The following SLC4A10 variants were observed in gnomAD, a reference collection of about 807,000 sequenced individuals.
SLC4A10 encodes solute carrier family 4 member 10, also known as sodium-driven chloride bicarbonate exchanger.
In SLC4A10, 42 loss-of-function variants were observed where a neutral mutation model predicts 137.7. That is an observed-to-expected ratio of 0.30 (90% CI 0.24 to 0.39). The LOEUF (loss-of-function observed/expected upper bound fraction) is 0.39, where lower values mean the gene tolerates loss of function less well. Ranked by LOEUF, SLC4A10 falls within the 10% of genes least tolerant of loss-of-function variation. The probability of loss-of-function intolerance (pLI) is 1.00; values close to 1 mark genes in which losing one functional copy is unlikely to be tolerated. For synonymous variants in SLC4A10, 474 were observed against 464.1 expected (o/e 1.02, Z -0.27); for missense variants, 925 against 1,355.0 (o/e 0.68, Z 4.98).
intron 24 of SLC4A10, among the ~76,000 whole-genome samples, chr2:161,975,179 A>G (rs1481747254): frequency 6.6e-6 from 1 of 152,200 alleles, no homozygotes; most frequent in African/African-American, 2.4e-5. Context: ...AAGAGGGGGC[A>G]CAACTATAAG....
At chr2:161,884,521 AC>A (rs2125986501) in intron 10 of SLC4A10, among the ~76,000 whole-genome samples, 1 of 152,318 alleles carries the variant, frequency 6.6e-6, no homozygotes, top group African/African-American at 2.4e-5. Context: ...AGGGGCTTCC[AC>A]CTATTTCTTT....
chr2:161,653,677 C>T (rs989155134), intron 1 of SLC4A10, among the ~76,000 whole-genome samples: 6 of 152,162 alleles, frequency 3.9e-5, no homozygotes, highest in South Asian at 4.1e-4. Flanking sequence ...TTTCACTTAG[C>T]GTAATGTCCT....
chr2:161,670,935 C>T (rs1027375819), intron 1 of SLC4A10, among the ~76,000 whole-genome samples: 1 of 152,100 alleles, frequency 6.6e-6, no homozygotes, highest in African/African-American at 2.4e-5. Flanking sequence ...CACATGTATG[C>T]TCCTCCTGAG....
chr2:161,903,983 G>T (rs1337553912), intron 12 of SLC4A10, 21 bp from the exon 13 acceptor site: 1 of 1,545,732 alleles, frequency 6.5e-7, no homozygotes, highest in Non-Finnish European at 8.7e-7. Context: ...TTTCACTATT[G>T]TGTTTTCCCC....
chr2:161,957,864 T>C (rs1695942902), intron 20 of SLC4A10, among the ~76,000 whole-genome samples: 1 of 152,228 alleles, frequency 6.6e-6, no homozygotes, highest in Non-Finnish European at 1.5e-5. Flanking sequence ...TACAACACAT[T>C]TTATTTGCCT....
intron 1 of SLC4A10, among the ~76,000 whole-genome samples, chr2:161,645,986 A>T (rs552042986): frequency 7.9e-5 from 12 of 152,204 alleles, no homozygotes; most frequent in African/African-American, 2.9e-4. Context: ...CTATTAATGC[A>T]CATGACTATG....
chr2:161,830,948 A>G (rs1213295655), intron 3 of SLC4A10, among the ~76,000 whole-genome samples: 2 of 152,166 alleles, frequency 1.3e-5, no homozygotes, highest in African/African-American at 4.8e-5. Flanking sequence ...GTGGATATGT[A>G]TGTGTTCATA....
intron 15 of SLC4A10, among the ~76,000 whole-genome samples, chr2:161,910,802 A>G (rs1197923565): frequency 6.6e-6 from 1 of 151,994 alleles, no homozygotes; most frequent in East Asian, 1.9e-4. Context: ...TGTTTTGAAT[A>G]AATGTTATTT....
intron 23 of SLC4A10, among the ~76,000 whole-genome samples, chr2:161,972,724 C>T (rs1421343931): frequency 6.6e-6 from 1 of 152,104 alleles, no homozygotes; most frequent in Non-Finnish European, 1.5e-5. Flanking sequence ...AGGGAAGTAG[C>T]AGAGCTCATG....
intron 11 of SLC4A10, among the ~76,000 whole-genome samples, chr2:161,896,807 A>T (rs2063554680): frequency 6.6e-6 from 1 of 152,158 alleles, no homozygotes; most frequent in Non-Finnish European, 1.5e-5. Flanking sequence ...GAAACTTGGC[A>T]GTTTGATGAC....
chr2:161,801,142 T>C (rs2055325825), intron 2 of SLC4A10, among the ~76,000 whole-genome samples: 1 of 152,108 alleles, frequency 6.6e-6, no homozygotes, highest in South Asian at 2.1e-4. Flanking sequence ...TGAAACTTAC[T>C]GTCTATTCTC....
chr2:161,939,756 G>A (rs1170902532), intron 15 of SLC4A10, among the ~76,000 whole-genome samples: 1 of 151,858 alleles, frequency 6.6e-6, no homozygotes, highest in East Asian at 1.9e-4. Flanking sequence ...ATAAAATTCT[G>A]TAAATTTTAG....
At chr2:161,764,257 A>G (rs907414125) in intron 1 of SLC4A10, among the ~76,000 whole-genome samples, 1 of 152,148 alleles carries the variant, frequency 6.6e-6, no homozygotes, top group African/African-American at 2.4e-5. Flanking sequence ...GACACAAGAA[A>G]GTGTTTCTAG....
intron 3 of SLC4A10, among the ~76,000 whole-genome samples, chr2:161,820,181 T>A (rs72877400): frequency 0.071 from 10,763 of 152,264 alleles, 464 homozygotes; most frequent in East Asian, 0.15. Flanking sequence ...TTGTGCACAC[T>A]CTTTAGGAGA....
chr2:161,929,569 G>A (rs1689938586), intron 15 of SLC4A10, among the ~76,000 whole-genome samples: 1 of 152,086 alleles, frequency 6.6e-6, no homozygotes, highest in Non-Finnish European at 1.5e-5. Flanking sequence ...CATCTATCAG[G>A]ATGCTCCCGA....
intron 3 of SLC4A10, among the ~76,000 whole-genome samples, chr2:161,833,357 T>C (rs2058560314): frequency 6.6e-6 from 1 of 152,238 alleles, no homozygotes; most frequent in Admixed American, 6.5e-5. Flanking sequence ...TGGAGATTTC[T>C]CTGGAAGAGA....
chr2:161,754,664 T>C (rs573018655), intron 1 of SLC4A10, among the ~76,000 whole-genome samples: 82 of 152,280 alleles, frequency 5.4e-4, no homozygotes, highest in African/African-American at 1.9e-3. Flanking sequence ...TCTTTGTTTT[T>C]CCTATCCCCC....
At chr2:161,693,669 CTTTTTTT>C (rs774199734) in intron 1 of SLC4A10, among the ~76,000 whole-genome samples, 3 of 115,222 alleles carry the variant, frequency 2.6e-5, no homozygotes, top group Non-Finnish European at 5.4e-5. Context: ...ACAAATTCGA[CTTTTTTT>C]TTTTTTTTTT....
At chr2:161,839,982 A>G in intron 4 of SLC4A10, 55 bp downstream of exon 4, 1 of 1,599,246 alleles carries the variant, frequency 6.3e-7, no homozygotes, top group African/African-American at 1.3e-5. Context: ...ATGTTACTAG[A>G]AAAAGAGATT....
Sources: allele counts gnomAD v4.1 joint callset (sites outside exome capture counted in the v4.1 genomes callset), GRCh38; gene constraint gnomAD v4.1.1; transcripts MANE v1.5; gene names NCBI Gene and HGNC (gene_info 2026-07-23, HGNC 2026-07-21).